The following RORA variants were observed in gnomAD, a reference collection of about 807,000 sequenced individuals.
The protein encoded by RORA is RAR related orphan receptor A.
Under a neutral mutation model 69.5 loss-of-function variants are expected in RORA, and 7 were observed. The ratio of observed to expected loss-of-function variants is 0.10; its 90% CI spans 0.06 to 0.19. RORA has a LOEUF of 0.19. Ranked by LOEUF, RORA falls within the 10% of genes least tolerant of loss-of-function variation. The pLI is 1.00. For synonymous variants in RORA, 261 were observed against 240.8 expected (o/e 1.08, Z -0.78); for missense variants, 457 against 663.0 (o/e 0.69, Z 3.41).
chr15:61,195,460 G>T (rs1442757502), intron 1 of RORA, among the ~76,000 whole-genome samples: 1 of 151,120 alleles, frequency 6.6e-6, no homozygotes, highest in African/African-American at 2.4e-5. Context: ...CCACAGAGGG[G>T]TTCCGATCTA....
chr15:60,805,550 T>A (rs1391281423), intron 1 of RORA, among the ~76,000 whole-genome samples: 1 of 152,164 alleles, frequency 6.6e-6, no homozygotes, highest in Non-Finnish European at 1.5e-5. Context: ...TAGGATAGAA[T>A]AACAGGACCC....
At chr15:60,683,310 CAA>C (rs1491044267) in intron 1 of RORA, among the ~76,000 whole-genome samples, 1 of 43,658 alleles carries the variant, frequency 2.3e-5, no homozygotes, top group Non-Finnish European at 5.3e-5. Flanking sequence ...CTTGCCCAGC[CAA>C]CATGATTTCT....
intron 1 of RORA, among the ~76,000 whole-genome samples, chr15:60,823,674 T>C (rs939757628): frequency 6.6e-6 from 1 of 152,244 alleles, no homozygotes; most frequent in African/African-American, 2.4e-5. Context: ...AATAGGCACT[T>C]TATCTTCCCC....
At chr15:61,160,457 AT>A (rs2079484864) in intron 1 of RORA, among the ~76,000 whole-genome samples, 1 of 151,216 alleles carries the variant, frequency 6.6e-6, no homozygotes, top group African/African-American at 2.5e-5. Context: ...GAGCTTTAAT[AT>A]TCAGTAAATA....
At chr15:60,543,641 G>C (rs953945859) in intron 2 of RORA, among the ~76,000 whole-genome samples, 2 of 151,924 alleles carry the variant, frequency 1.3e-5, no homozygotes, top group Non-Finnish European at 1.5e-5. Flanking sequence ...ACCACACCTG[G>C]CTTTTTTTTA....
intron 1 of RORA, among the ~76,000 whole-genome samples, chr15:61,120,529 C>T (rs1566998674): frequency 1.3e-5 from 2 of 151,978 alleles, no homozygotes; most frequent in Middle Eastern, 3.4e-3. Flanking sequence ...GAAACCCCGT[C>T]TCTACTAAAA....
rs1355397100 is a variant in RORA at position 60,649,410 on chromosome 15, A to G, written c.196+29247T>C. ...CTGCAACAAACAGAAACCTAGGGAC[A>G]CTGACATTTTGGAGGCAGGGTGTAG... On this transcript the variant is annotated intron_variant, in intron 2 of 10. Coordinates refer to ENST00000335670, the MANE Select transcript of RORA (RefSeq NM_134261.3). Among the ~76,000 whole-genome samples, 3 of 152,182 alleles carry G rather than the reference A, an allele frequency of 2.0e-5. No individual in the cohort carries two copies. The East Asian group carries it at 5.8e-4, about 29-fold the overall frequency.
At chr15:60,560,662 CAG>C (rs1419098492) in intron 2 of RORA, among the ~76,000 whole-genome samples, 3 of 152,184 alleles carry the variant, frequency 2.0e-5, no homozygotes, top group Non-Finnish European at 2.9e-5. Flanking sequence ...GCTGTGGCAA[CAG>C]AGCAAAACCC....
At chr15:60,818,878 C>T (rs2072851554) in intron 1 of RORA, among the ~76,000 whole-genome samples, 2 of 152,162 alleles carry the variant, frequency 1.3e-5, no homozygotes, top group South Asian at 2.1e-4. Flanking sequence ...ATATTTTCCA[C>T]GATGGTTTGG....
chr15:60,688,193 C>T (rs555937600), intron 1 of RORA, among the ~76,000 whole-genome samples: 1 of 151,818 alleles, frequency 6.6e-6, no homozygotes, highest in South Asian at 2.1e-4. Context: ...AATGATGTTC[C>T]AGCTGCATTA....
At chr15:61,084,041 G>A (rs1308276310) in intron 1 of RORA, among the ~76,000 whole-genome samples, 1 of 152,158 alleles carries the variant, frequency 6.6e-6, no homozygotes, top group Non-Finnish European at 1.5e-5. Flanking sequence ...CTACCATGGA[G>A]ATTATTCCCT....
chr15:60,707,874 A>G (rs549676952), intron 1 of RORA, among the ~76,000 whole-genome samples: 15 of 152,252 alleles, frequency 9.9e-5, no homozygotes, highest in African/African-American at 3.6e-4. Flanking sequence ...CTCTCCCCTT[A>G]TTTAATACTG....
chr15:61,086,768 C>T (rs921019050), intron 1 of RORA, among the ~76,000 whole-genome samples: 1 of 151,938 alleles, frequency 6.6e-6, no homozygotes, highest in Non-Finnish European at 1.5e-5. Context: ...AACTATGGCC[C>T]ACTGCCTATT....
chr15:61,154,263 G>C (rs1040160436), intron 1 of RORA, among the ~76,000 whole-genome samples: 2 of 152,098 alleles, frequency 1.3e-5, no homozygotes, highest in African/African-American at 4.8e-5. Flanking sequence ...GGGTACAAAA[G>C]TAAAGGCCAA....
intron 1 of RORA, among the ~76,000 whole-genome samples, chr15:61,059,932 G>C (rs112933691): frequency 0.041 from 4,061 of 99,934 alleles, 130 homozygotes; most frequent in Non-Finnish European, 0.057. Flanking sequence ...AGAAGAAGAA[G>C]AACAAGAAGA....
intron 1 of RORA, among the ~76,000 whole-genome samples, chr15:60,954,130 A>C (rs1221811732): frequency 1.4e-5 from 2 of 146,242 alleles, no homozygotes; most frequent in African/African-American, 5.1e-5. Context: ...TGATGAGTTC[A>C]TGTCCTTTGT....
rs766384449 is a variant in RORA, at chr15:61,171,394, T to C, written c.166+57659A>G. On this transcript the variant is annotated intron_variant, in intron 1 of 10. Coordinates refer to ENST00000335670, the MANE Select transcript of RORA (RefSeq NM_134261.3). Reference sequence around the variant, plus strand: ...CTGGAGAGCCTGCTAAGCCAGACTGTTGGCCCCACCCCCAGAGTTCAGTAG... The same window carrying C: ...CTGGAGAGCCTGCTAAGCCAGACTGCTGGCCCCACCCCCAGAGTTCAGTAG... Among the ~76,000 whole-genome samples the C allele has an allele frequency of 2.6e-4, 39 of 152,344 alleles. 1 individual carries two copies. The highest frequency in any genetic ancestry group is 3.4e-3 in the Middle Eastern group (1 of 294).
chr15:60,604,102 C>T (rs1032978248), intron 2 of RORA, among the ~76,000 whole-genome samples: 7 of 141,168 alleles, frequency 5.0e-5, no homozygotes, highest in African/African-American at 1.9e-4. Flanking sequence ...CACTGCACTC[C>T]AGCCTGGGTG....
rs999382635 is a variant in RORA at position 60,534,945 on chromosome 15, A to G, written c.197-3094T>C. Among the ~76,000 whole-genome samples the G allele has an allele frequency of 6.6e-6, 1 of 152,148 alleles. No individual in the cohort carries two copies. The highest frequency in any genetic ancestry group is 6.5e-5 in the Admixed American group (1 of 15,280). ...AAAAAAATGCAGTCAATGCCTTGCA[A>G]ATTTTTCAAAAGGAGGCAGTTTAGT... On this transcript the variant is annotated intron_variant, in intron 2 of 10. Transcript: ENST00000335670. This position sits in a 1 kb window ranked among gnomAD's most constrained non-coding sequence, Gnocchi z 5.0.
Sources: gnomAD v4.1 joint callset for allele counts (sites outside exome capture counted in the v4.1 genomes callset) on GRCh38, gnomAD v4.1.1 for gene constraint, Gnocchi (gnomAD v3.1) non-coding constraint, MANE v1.5 for transcripts, NCBI Gene and HGNC (gene_info 2026-07-23, HGNC 2026-07-21) for gene names.